Variants in LPAR1 observed in about 807,000 individuals in gnomAD.
LPAR1 encodes LPA receptor 1.
A neutral mutation model predicts 23.8 loss-of-function variants in LPAR1; 5 were observed. That is an observed-to-expected ratio of 0.21 (90% CI 0.11 to 0.44). The LOEUF (loss-of-function observed/expected upper bound fraction) is 0.44, where lower values mean the gene tolerates loss of function less well. Among genes scored for constraint, LPAR1 ranks in the 20% least tolerant of loss-of-function variants. LPAR1 has a pLI of 0.99. For missense variants in LPAR1, 311 were observed against 482.8 expected, an observed-to-expected ratio of 0.64 and a Z score of 3.33; for synonymous variants, 160 against 164.7, an observed-to-expected ratio of 0.97 and a Z score of 0.22.
In LPAR1 at chr9:110,941,061, A is replaced by G. The variant is rs890373234; in HGVS notation, c.793+360T>C. 1.3e-5 allele frequency among the ~76,000 whole-genome samples: 2 copies of G among 152,246 alleles called. No individual in the cohort carries two copies. The highest frequency in any genetic ancestry group is 2.9e-5 in the Non-Finnish European group (2 of 68,046). On this transcript the variant is annotated intron_variant, in intron 5 of 5. Coordinates refer to ENST00000683809, the MANE Select transcript of LPAR1 (RefSeq NM_001351411.2). This position sits in a 1 kb window ranked among gnomAD's most constrained non-coding sequence, Gnocchi z 6.1. Reference sequence around the variant, plus strand: ...CTACAAAAGCACTTTCTGTCTGAAAATATGTAATACAGAAACCACAATGCA... The same window carrying G: ...CTACAAAAGCACTTTCTGTCTGAAAGTATGTAATACAGAAACCACAATGCA...
At chr9:110,999,261 C>A in intron 2 of LPAR1, 1 of 259,550 alleles carries the variant, frequency 3.9e-6, no homozygotes, top group South Asian at 3.3e-5. Flanking sequence ...TTATAAGAAC[C>A]TGGGAGTAAT....
At chr9:110,876,796 A>G (rs2079211187) in intron 5 of LPAR1, among the ~76,000 whole-genome samples, 1 of 152,258 alleles carries the variant, frequency 6.6e-6, no homozygotes, top group African/African-American at 2.4e-5. Context: ...ATGAAAATAT[A>G]GATGAGATGC....
chr9:110,895,351 G>A lies in LPAR1; in HGVS notation c.794-19629C>T, dbSNP rs563942517. ...GGCATAGCCAGCAAAGGTTCTGGGTGGCTGGCTCCAACCTCTCCTCTCTGG... is the reference window on the plus strand; with the variant it reads ...GGCATAGCCAGCAAAGGTTCTGGGTAGCTGGCTCCAACCTCTCCTCTCTGG... On this transcript the variant is annotated intron_variant, in intron 5 of 5. Transcript: ENST00000683809. Among the ~76,000 whole-genome samples, 16 of 152,336 alleles carry A rather than the reference G, an allele frequency of 1.1e-4. No homozygotes were observed. The East Asian group carries it at 2.9e-3, about 28-fold the overall frequency.
At chr9:110,916,569 G>C (rs1296272147) in intron 5 of LPAR1, among the ~76,000 whole-genome samples, 1 of 149,756 alleles carries the variant, frequency 6.7e-6, no homozygotes, top group Middle Eastern at 3.2e-3. Flanking sequence ...GACCCAGGTG[G>C]CCTGGATCAC....
intron 4 of LPAR1, among the ~76,000 whole-genome samples, chr9:110,964,996 G>A (rs1280191282): frequency 6.6e-6 from 1 of 151,602 alleles, no homozygotes; most frequent in Non-Finnish European, 1.5e-5. Flanking sequence ...TCAGCCTCCT[G>A]AGTAGCTGAG....
chr9:111,033,024 G>A (rs1588962451), intron 2 of LPAR1, among the ~76,000 whole-genome samples: 1 of 152,278 alleles, frequency 6.6e-6, no homozygotes, highest in East Asian at 1.9e-4. Context: ...TTTAGCACTG[G>A]ACTAAAGTTA....
intron 2 of LPAR1, among the ~76,000 whole-genome samples, chr9:111,003,203 G>A (rs967361628): frequency 6.6e-6 from 1 of 152,148 alleles, no homozygotes; most frequent in Non-Finnish European, 1.5e-5. Context: ...CTGCATAGCT[G>A]TTATTAATCA....
intron 4 of LPAR1, among the ~76,000 whole-genome samples, chr9:110,967,149 A>G (rs2096253559): frequency 6.6e-6 from 1 of 152,236 alleles, no homozygotes; most frequent in African/African-American, 2.4e-5. Flanking sequence ...TAAATCGGTT[A>G]CAAACACGGC....
At chr9:111,000,658 T>C (rs942393217) in intron 2 of LPAR1, among the ~76,000 whole-genome samples, 2 of 152,118 alleles carry the variant, frequency 1.3e-5, no homozygotes, top group African/African-American at 4.8e-5. Context: ...AGCTAGTAAA[T>C]GGGGCATGGT....
chr9:110,967,355 C>T (rs1219241747), intron 4 of LPAR1, among the ~76,000 whole-genome samples: 4 of 152,180 alleles, frequency 2.6e-5, no homozygotes, highest in South Asian at 2.1e-4. Flanking sequence ...TCCCAGCAGG[C>T]GTGACAATGC....
chr9:110,916,492 C>T (rs774234227), intron 5 of LPAR1, among the ~76,000 whole-genome samples: 5 of 152,100 alleles, frequency 3.3e-5, no homozygotes, highest in Admixed American at 6.6e-5. Flanking sequence ...ACATAGGATA[C>T]GATTTACTTT....
intron 5 of LPAR1, among the ~76,000 whole-genome samples, chr9:110,902,121 T>C (rs1226525596): frequency 6.6e-6 from 1 of 151,376 alleles, no homozygotes; most frequent in African/African-American, 2.4e-5. Flanking sequence ...TCACAGAAGG[T>C]CACCCAAGCC....
intron 5 of LPAR1, among the ~76,000 whole-genome samples, chr9:110,887,289 T>C (rs892660249): frequency 1.3e-5 from 2 of 152,024 alleles, no homozygotes; most frequent in Non-Finnish European, 2.9e-5. Context: ...AAAAATTTAA[T>C]CTAAAAGCGA....
upstream of LPAR1, among the ~76,000 whole-genome samples, chr9:111,038,909 C>T (rs2097950816): frequency 6.6e-6 from 1 of 152,178 alleles, no homozygotes; most frequent in Non-Finnish European, 1.5e-5. The surrounding 1 kb of genome is among the most constrained non-coding windows in gnomAD (Gnocchi z 4.4). Context: ...GTGGACGCCC[C>T]GGCACGGGGC....
intron 5 of LPAR1, among the ~76,000 whole-genome samples, chr9:110,919,643 C>G (rs1021885966): frequency 2.6e-5 from 4 of 152,210 alleles, no homozygotes; most frequent in African/African-American, 9.6e-5. Context: ...CTCTTAACTT[C>G]TCACATCACT....
intron 4 of LPAR1, among the ~76,000 whole-genome samples, chr9:110,957,233 T>C (rs897774925): frequency 6.6e-6 from 1 of 150,950 alleles, no homozygotes; most frequent in African/African-American, 2.4e-5. Flanking sequence ...AGTGCGCACC[T>C]ATAGTCCCAG....
chr9:110,889,326 CCAGCCTGGGCAA>C (rs1380094882), intron 5 of LPAR1, among the ~76,000 whole-genome samples: 1 of 151,752 alleles, frequency 6.6e-6, no homozygotes, highest in Non-Finnish European at 1.5e-5. Flanking sequence ...CCACTGCACT[CCAGCCTGGGCAA>C]CAGAGTAAGA....
At chr9:110,904,452 G>C (rs1306972474) in intron 5 of LPAR1, among the ~76,000 whole-genome samples, 2 of 152,156 alleles carry the variant, frequency 1.3e-5, no homozygotes, top group African/African-American at 4.8e-5. Context: ...ATTGTAATGA[G>C]ATAGCAACCA....
In LPAR1 at chr9:111,026,370, T is replaced by C. The variant is rs147770039; in HGVS notation, c.-182+9752A>G. 1.2e-3 allele frequency among the ~76,000 whole-genome samples: 184 copies of C among 152,356 alleles called. 1 individual carries two copies. Among genetic ancestry groups the C allele is most frequent in the Non-Finnish European group, 2.0e-3 (133 of 68,030 alleles). ...TAGGAATGCTTGTGATTTTTGCACA[T>C]TGATTTTGTATCCTGAGGCTTTGCT... On this transcript the variant is annotated intron_variant, in intron 2 of 5. Transcript: ENST00000683809.
Sources: gnomAD v4.1 joint callset for allele counts (sites outside exome capture counted in the v4.1 genomes callset) on GRCh38, gnomAD v4.1.1 for gene constraint, Gnocchi (gnomAD v3.1) non-coding constraint, MANE v1.5 for transcripts, NCBI Gene and HGNC (gene_info 2026-07-23, HGNC 2026-07-21) for gene names.